The following DOCK1 variants were observed in gnomAD, a reference collection of about 807,000 sequenced individuals.
DOCK1 encodes dedicator of cytokinesis protein 1.
In DOCK1, 138 loss-of-function variants were observed where a neutral mutation model predicts 262.7. That is an observed-to-expected ratio of 0.53 (90% CI 0.46 to 0.61). DOCK1 has a LOEUF of 0.61. Among genes scored for constraint, DOCK1 ranks in the 20% least tolerant of loss-of-function variants. The pLI, the probability that DOCK1 is intolerant of heterozygous loss-of-function variation, is 0.00. For synonymous variants in DOCK1, 866 were observed against 867.4 expected (o/e 1.00, Z 0.03); for missense variants, 1,908 against 2,370.7 (o/e 0.80, Z 4.05).
At chr10:127,224,203 A>T (rs1390308481) in intron 27 of DOCK1, among the ~76,000 whole-genome samples, 1 of 152,104 alleles carries the variant, frequency 6.6e-6, no homozygotes, top group African/African-American at 2.4e-5. Context: ...AGAGATTCTG[A>T]TTTAATTATA....
At chr10:127,303,115 C>T (rs2061746804) in intron 29 of DOCK1, among the ~76,000 whole-genome samples, 1 of 152,144 alleles carries the variant, frequency 6.6e-6, no homozygotes, top group Admixed American at 6.5e-5. Flanking sequence ...TGTCAAGATT[C>T]CACAGAAGAG....
rs1429535850 is a variant in DOCK1, at chr10:127,021,786, A to G, written c.1328-1414A>G. Reference sequence around the variant, plus strand: ...ATAATGACTTTTAAATGAAAGCTTAATTTAATAGTTGGATACATTAAAAGC... The same window carrying G: ...ATAATGACTTTTAAATGAAAGCTTAGTTTAATAGTTGGATACATTAAAAGC... On this transcript the variant is annotated intron_variant, in intron 13 of 51. Coordinates refer to ENST00000623213, the MANE Select transcript of DOCK1 (RefSeq NM_001290223.2). Among the ~76,000 whole-genome samples, 4 of 152,156 alleles carry G rather than the reference A, an allele frequency of 2.6e-5. No individual in the cohort carries two copies. In the East Asian group the frequency reaches 5.8e-4, roughly 22 times the overall value.
intron 1 of DOCK1, among the ~76,000 whole-genome samples, chr10:126,909,076 A>G (rs1279995464): frequency 6.6e-6 from 1 of 152,176 alleles, no homozygotes; most frequent in Non-Finnish European, 1.5e-5. Flanking sequence ...GAATTCGTAG[A>G]TGGGAGATTA....
intron 28 of DOCK1, among the ~76,000 whole-genome samples, chr10:127,253,833 C>G (rs538665896): frequency 6.7e-6 from 1 of 148,350 alleles, no homozygotes; most frequent in East Asian, 2.0e-4. Context: ...TAAGATTATG[C>G]CACTGCACTC....
chr10:127,318,201 T>C (rs559468681), intron 29 of DOCK1, among the ~76,000 whole-genome samples: 5 of 152,334 alleles, frequency 3.3e-5, no homozygotes, highest in South Asian at 2.1e-4. Flanking sequence ...TCGGTGTGCA[T>C]TGAGTGCCTG....
intron 21 of DOCK1, among the ~76,000 whole-genome samples, chr10:127,044,369 T>G (rs1049338625): frequency 6.6e-6 from 1 of 152,126 alleles, no homozygotes; most frequent in Admixed American, 6.5e-5. Context: ...AGCTGTGAGG[T>G]CCTCAAGCCT....
At chr10:126,963,277 C>A (rs923756348) in intron 1 of DOCK1, among the ~76,000 whole-genome samples, 1 of 152,124 alleles carries the variant, frequency 6.6e-6, no homozygotes, top group African/African-American at 2.4e-5. Flanking sequence ...ATCTGTAGAT[C>A]GTTTCGGATC....
chr10:127,117,929 A>T (rs1404079476), intron 25 of DOCK1, among the ~76,000 whole-genome samples: 1 of 152,188 alleles, frequency 6.6e-6, no homozygotes, highest in Non-Finnish European at 1.5e-5. Flanking sequence ...GTTCTGCTTT[A>T]GGACCTCTGT....
At chr10:126,980,785 C>G (rs2038908840) in intron 3 of DOCK1, among the ~76,000 whole-genome samples, 1 of 152,074 alleles carries the variant, frequency 6.6e-6, no homozygotes. Flanking sequence ...CACAGGGGTG[C>G]CACTTTATCA....
At chr10:127,281,281 A>C (rs1378500501) in intron 29 of DOCK1, among the ~76,000 whole-genome samples, 1 of 152,254 alleles carries the variant, frequency 6.6e-6, no homozygotes. Flanking sequence ...GGATTAGCTC[A>C]TCGAGCCGTG....
chr10:127,034,396 A>G (rs968640938), intron 18 of DOCK1, among the ~76,000 whole-genome samples: 8 of 152,156 alleles, frequency 5.3e-5, no homozygotes, highest in Admixed American at 3.9e-4. Context: ...ACAGCACAGG[A>G]AAGACCTGCC....
At chr10:127,123,762 G>A (rs922648666) in intron 25 of DOCK1, among the ~76,000 whole-genome samples, 1 of 152,036 alleles carries the variant, frequency 6.6e-6, no homozygotes, top group East Asian at 1.9e-4. Flanking sequence ...TCTCCTACAC[G>A]GGCAGCCCAT....
intron 38 of DOCK1, among the ~76,000 whole-genome samples, chr10:127,394,323 C>T (rs1284147535): frequency 7.5e-6 from 1 of 133,156 alleles, no homozygotes; most frequent in Non-Finnish European, 1.6e-5. Flanking sequence ...CTTCCCTTGA[C>T]AAAGTTCACA....
At chr10:127,075,347 C>T (rs972062461) in intron 23 of DOCK1, among the ~76,000 whole-genome samples, 2 of 152,072 alleles carry the variant, frequency 1.3e-5, no homozygotes, top group African/African-American at 4.8e-5. Flanking sequence ...TCTTGGCTCA[C>T]TGTAGCCTTG....
At chr10:127,304,335 G>A (rs1020152613) in intron 29 of DOCK1, among the ~76,000 whole-genome samples, 4 of 152,102 alleles carry the variant, frequency 2.6e-5, no homozygotes, top group South Asian at 2.1e-4. Flanking sequence ...GGCCTTCCAC[G>A]CACTTCAGAA....
intron 6 of DOCK1, among the ~76,000 whole-genome samples, chr10:126,994,267 G>T (rs1020432299): frequency 9.9e-5 from 15 of 152,124 alleles, no homozygotes; most frequent in Non-Finnish European, 2.2e-4. Context: ...TGTTGGATTT[G>T]AGGAATCAGA....
At chr10:127,059,901 T>C (rs1178207219) in intron 22 of DOCK1, among the ~76,000 whole-genome samples, 1 of 152,226 alleles carries the variant, frequency 6.6e-6, no homozygotes, top group East Asian at 1.9e-4. Context: ...AAGCTTCAGA[T>C]GATGTGATCT....
At chr10:127,066,278 C>CTT (rs768716678) in intron 23 of DOCK1, among the ~76,000 whole-genome samples, 441 of 103,780 alleles carry the variant, frequency 4.2e-3, no homozygotes, top group Non-Finnish European at 5.5e-3. Flanking sequence ...CTTCTCTTCT[C>CTT]TGTGCTACTG....
intron 25 of DOCK1, among the ~76,000 whole-genome samples, chr10:127,114,986 A>G (rs2132933149): frequency 6.6e-6 from 1 of 151,818 alleles, no homozygotes; most frequent in East Asian, 1.9e-4. Flanking sequence ...TGATCTCTTG[A>G]CCTCGTGATC....
Sources: allele counts gnomAD v4.1 joint callset (sites outside exome capture counted in the v4.1 genomes callset), GRCh38; gene constraint gnomAD v4.1.1; transcripts MANE v1.5; gene names NCBI Gene and HGNC (gene_info 2026-07-23, HGNC 2026-07-21).